The following NDRG1 variants were observed in gnomAD, a reference collection of about 807,000 sequenced individuals.
NDRG1 encodes the protein N-myc downstream regulated 1, also known as protein NDRG1.
A neutral mutation model predicts 56.9 loss-of-function variants in NDRG1; 32 were observed. The observed-to-expected ratio is 0.56, with a 90% CI of 0.42 to 0.76. The LOEUF (loss-of-function observed/expected upper bound fraction) is 0.76. Ranked by LOEUF, NDRG1 falls within the 30% of genes least tolerant of loss-of-function variation. NDRG1 has a pLI of 0.00. For missense variants in NDRG1, 507 were observed against 545.7 expected, an observed-to-expected ratio of 0.93 and a Z score of 0.71; for synonymous variants, 211 against 204.1, an observed-to-expected ratio of 1.03 and a Z score of -0.29.
chr8:133,254,666 A>C, intron 8 of NDRG1, 71 bp from the exon 9 acceptor site: 15 of 1,504,482 alleles, frequency 1.0e-5, no homozygotes, highest in Non-Finnish European at 1.4e-5. Flanking sequence ...GCAAAACCCC[A>C]CTTCCCTGGG....
intron 14 of NDRG1, 150 bp from the exon 15 acceptor site, chr8:133,242,224 A>C (rs1855427953): frequency 3.8e-6 from 3 of 789,876 alleles, no homozygotes; most frequent in Non-Finnish European, 6.6e-6. Flanking sequence ...CACAAAAGTA[A>C]GAGTATGGGA....
chr8:133,238,801 C>G lies in NDRG1; in HGVS notation c.*77G>C. On this transcript the variant is annotated 3_prime_UTR_variant, in exon 16 of 16. Transcript: ENST00000323851. ...ACCGAGTTAGGCGCAGTATGGCAGG[C>G]AGGGGGCGAAAAGGGGCCGGGGAGG... is the stretch of plus-strand genomic sequence containing the variant. 2 of 1,465,186 alleles carry G rather than the reference C, an allele frequency of 1.4e-6. No homozygotes were observed. Among genetic ancestry groups the G allele is most frequent in the Non-Finnish European group, 9.1e-7 (1 of 1,095,848 alleles). The allele number at this position is 1,465,186 out of a possible 1,614,324, so 90.8% of individuals were successfully genotyped here.
Position 133,254,574 on chromosome 8 carries a change from G to C in NDRG1, c.559C>G (p.Leu187Val), listed in dbSNP as rs746650111. The C allele has an allele frequency of 2.5e-6, 4 of 1,614,126 alleles. No homozygotes were observed. The Admixed American group carries it at 5.0e-5, about 20-fold the overall frequency. Residue 187 changes from leucine (L) to valine (V), a missense_variant, in exon 9 of 16, where the codon CTG becomes GTG. By Grantham distance (32) the Leu-to-Val change is conservative. Transcript: ENST00000323851. ...ASKISGWTQA[L>V]PDMVVSHLFG... Reference sequence around the variant, plus strand: ...AGGTGGGACACCACCATGTCCGGCAGAGCTTGGGTCCATCCTGAGATCTGG... The same window carrying C: ...AGGTGGGACACCACCATGTCCGGCACAGCTTGGGTCCATCCTGAGATCTGG...
At chr8:133,240,229 G>A (rs933599850) in intron 15 of NDRG1, 2 of 152,094 alleles carry the variant, frequency 1.3e-5, no homozygotes, top group Admixed American at 6.5e-5. Context: ...GCAGCTTTAG[G>A]AAACTAGTAC....
chr8:133,286,822 C>G (rs905964090), intron 1 of NDRG1, among the ~76,000 whole-genome samples: 1 of 152,206 alleles, frequency 6.6e-6, no homozygotes, highest in Non-Finnish European at 1.5e-5. Context: ...ACTCTGAAGT[C>G]TGCCGGGAGA....
At chr8:133,286,469 A>C (rs1034898703) in intron 1 of NDRG1, among the ~76,000 whole-genome samples, 4 of 152,082 alleles carry the variant, frequency 2.6e-5, no homozygotes, top group Non-Finnish European at 5.9e-5. Context: ...CGTTTCCTCT[A>C]TCTGGTGAAA....
At position 133,247,776 on chromosome 8, in the gene NDRG1, G is replaced by C. The variant is rs913364201; in HGVS notation, c.807+99C>G. ...TCAAAAAACATCACCTGCCCTGATGGGGCAGAGGAGAGGAGGGGCAGGCAG... is the reference window on the plus strand; with the variant it reads ...TCAAAAAACATCACCTGCCCTGATGCGGCAGAGGAGAGGAGGGGCAGGCAG... On this transcript the variant is annotated intron_variant, in intron 12 of 15. Coordinates refer to ENST00000323851, the MANE Select transcript of NDRG1 (RefSeq NM_006096.4). 1.7e-5 allele frequency: 21 copies of C among 1,266,462 alleles called. No homozygotes were observed. In the Admixed American group the frequency reaches 3.6e-4, roughly 21 times the overall value. The allele number at this position is 1,266,462 out of a possible 1,614,324, so 78.5% of individuals were successfully genotyped here.
intron 8 of NDRG1, chr8:133,255,659 T>C: frequency 3.5e-6 from 1 of 286,538 alleles, no homozygotes; most frequent in Non-Finnish European, 6.9e-6. Context: ...GGCTCCTGCA[T>C]TCTGGAGGAA....
chr8:133,242,592 C>T (rs1855445861), intron 14 of NDRG1, among the ~76,000 whole-genome samples: 1 of 152,150 alleles, frequency 6.6e-6, no homozygotes, highest in Non-Finnish European at 1.5e-5. Context: ...TAACCCAGGG[C>T]TCTCCAAACC....
At chr8:133,292,872 T>A (rs1308649709) in intron 1 of NDRG1, among the ~76,000 whole-genome samples, 1 of 152,228 alleles carries the variant, frequency 6.6e-6, no homozygotes, top group African/African-American at 2.4e-5. Context: ...GGAGCCTCAC[T>A]TTCTACCAGC....
At chr8:133,244,305 C>T (rs769172467) in intron 14 of NDRG1, 50 bp downstream of exon 14, 1 of 1,610,866 alleles carries the variant, frequency 6.2e-7, no homozygotes, top group Non-Finnish European at 8.5e-7. Flanking sequence ...ATGCACTCCA[C>T]CCAGGGGGAA....
Position 133,280,198 on chromosome 8 carries a change from A to G in NDRG1, c.99+34T>C, listed in dbSNP as rs1309509350. On this transcript the variant is annotated intron_variant, in intron 3 of 15. Transcript: ENST00000323851. ...AAAAGGAAAAAGAGAAGACGGGATG[A>G]GGAAGGGGAAGGAAAGCCACATCCT... The G allele has an allele frequency of 3.7e-6, 6 of 1,611,606 alleles. No homozygotes were observed. In the Admixed American group the frequency reaches 8.3e-5, roughly 22 times the overall value.
chr8:133,293,111 C>T (rs1030703623), intron 1 of NDRG1, among the ~76,000 whole-genome samples: 15 of 152,356 alleles, frequency 9.8e-5, no homozygotes, highest in African/African-American at 2.2e-4. Flanking sequence ...CCCGAGAACA[C>T]GGCTCCAGGT....
At chr8:133,277,994 A>G (rs1857554931) in intron 3 of NDRG1, among the ~76,000 whole-genome samples, 6 of 152,302 alleles carry the variant, frequency 3.9e-5, no homozygotes, top group Admixed American at 2.6e-4. Flanking sequence ...GAGGATGGAC[A>G]ATCACATCCC....
Position 133,262,023 on chromosome 8 carries a change from CTCAT to C in NDRG1, c.326+20_326+23del. 6.3e-7 allele frequency: 1 copy of C among 1,599,102 alleles called. No homozygotes were observed. Among genetic ancestry groups the C allele is most frequent in the Non-Finnish European group, 8.5e-7 (1 of 1,172,940 alleles). The stretch of plus-strand genomic sequence containing the variant: ...GACACCCAGTTTCCACCCTGTAGAG[CTCAT>C]AGGGCAAGAGGCCTCTCACCCTGCG... On this transcript the variant is annotated intron_variant, in intron 5 of 15. Transcript: ENST00000323851.
chr8:133,271,773 C>T (rs1392552105), intron 3 of NDRG1, among the ~76,000 whole-genome samples: 1 of 112,946 alleles, frequency 8.9e-6, no homozygotes, highest in Non-Finnish European at 1.7e-5. Context: ...AAGGGAGACC[C>T]TGTCTAAAAA....
At position 133,264,560 on chromosome 8, in the gene NDRG1, G is replaced by A. The variant is rs1474130558; in HGVS notation, c.192C>T (p.Asp64=). ...GNRPVILTYH[D]IGMNHKTCYN... ...CTCAGAACTTACGGTTCATGCCGAT[G>A]TCATGGTAGGTGAGGATGACAGGCC... The change falls in exon 4 of 16, where the codon GAC becomes GAT. Residue 64 remains aspartate (D), a synonymous_variant. Coordinates refer to ENST00000323851, the MANE Select transcript of NDRG1 (RefSeq NM_006096.4). 6.2e-7 allele frequency: 1 copy of A among 1,614,160 alleles called. No homozygotes were observed. Among genetic ancestry groups the A allele is most frequent in the Admixed American group, 1.7e-5 (1 of 60,028 alleles).
At chr8:133,289,942 G>C (rs936912379) in intron 1 of NDRG1, among the ~76,000 whole-genome samples, 1 of 152,120 alleles carries the variant, frequency 6.6e-6, no homozygotes. Flanking sequence ...TACGTCTATG[G>C]AGATCACGCT....
chr8:133,264,283 T>C (rs1020143431), intron 4 of NDRG1, among the ~76,000 whole-genome samples: 1 of 152,242 alleles, frequency 6.6e-6, no homozygotes, highest in African/African-American at 2.4e-5. Flanking sequence ...ACCATATGCG[T>C]GCATTAATAT....
Sources: gnomAD v4.1 joint callset for allele counts (sites outside exome capture counted in the v4.1 genomes callset) on GRCh38, gnomAD v4.1.1 for gene constraint, MANE v1.5 for transcripts, NCBI Gene and HGNC (gene_info 2026-07-23, HGNC 2026-07-21) for gene names.